TTN: variants seen among roughly 807,000 people sequenced by gnomAD.
TTN encodes connectin.
Under a neutral mutation model 3,223.0 loss-of-function variants are expected in TTN, and 1,525 were observed. That is an observed-to-expected ratio of 0.47 (90% confidence interval 0.45 to 0.49). The LOEUF (loss-of-function observed/expected upper bound fraction) is 0.49. TTN is among the 20% of genes least tolerant of loss of function. The pLI, the probability that TTN is intolerant of heterozygous loss-of-function variation, is 0.00. For missense variants in TTN, 40,786 were observed against 43,424.0 expected (o/e 0.94, Z 5.40); for synonymous variants, 14,094 against 15,161.0 (o/e 0.93, Z 5.17).
In TTN at chr2:178,685,339, G is replaced by T. The variant is rs2154275381; in HGVS notation, c.32393-9C>A. ...CTCCTGCCTCTCTGTCACTTGAAAAGATTATAAAATATGTTTGTAGAAATG... is the reference window on the plus strand; with the variant it reads ...CTCCTGCCTCTCTGTCACTTGAAAATATTATAAAATATGTTTGTAGAAATG... On this transcript the variant is annotated splice_polypyrimidine_tract_variant and intron_variant, in intron 128 of 362. Transcript: ENST00000589042. 6.5e-7 allele frequency: 1 copy of T among 1,546,688 alleles called. No individual in the cohort carries two copies. Among genetic ancestry groups the T allele is most frequent in the South Asian group, 1.2e-5 (1 of 82,368 alleles).
intron 208 of TTN, 31 bp from the exon 209 acceptor site, chr2:178,650,865 A>G (rs754031078): frequency 8.6e-5 from 135 of 1,561,876 alleles, no homozygotes; most frequent in Non-Finnish European, 1.2e-4. Context: ...TTTTCTTATG[A>G]GTAGTTGAGA....
In TTN at chr2:178,704,422, C is replaced by G. The variant is rs571920946; in HGVS notation, c.29963-15G>C. The stretch of plus-strand genomic sequence containing the variant: ...CCATGCAGGCTCTGTTCATGTGATA[C>G]AACACGCATTTTGTTCAATATCACA... On this transcript the variant is annotated splice_polypyrimidine_tract_variant and intron_variant, in intron 105 of 362. Coordinates refer to ENST00000589042, the MANE Select transcript of TTN (RefSeq NM_001267550.2). 3 of 1,608,584 alleles carry G rather than the reference C, an allele frequency of 1.9e-6. No individual in the cohort carries two copies. Among genetic ancestry groups the G allele is most frequent in the South Asian group, 1.1e-5 (1 of 90,534 alleles).
chr2:178,648,603 T>A (rs1197439693), intron 213 of TTN, among the ~76,000 whole-genome samples: 1 of 152,010 alleles, frequency 6.6e-6, no homozygotes, highest in Non-Finnish European at 1.5e-5. Flanking sequence ...AGAGACGGGG[T>A]TTCACCATGT....
At chr2:178,600,309 T>C (rs760052331) in intron 288 of TTN, among the ~76,000 whole-genome samples, 12 of 151,344 alleles carry the variant, frequency 7.9e-5, no homozygotes, top group Non-Finnish European at 1.5e-4. Flanking sequence ...AGGACAGAAA[T>C]ATTCAAAGAG....
In TTN at chr2:178,635,504, T is replaced by G; in HGVS notation, c.41820A>C (p.Glu13940Asp). 1.2e-6 allele frequency: 2 copies of G among 1,603,796 alleles called. No individual in the cohort carries two copies. The highest frequency in any genetic ancestry group is 1.7e-6 in the Non-Finnish European group (2 of 1,174,278). Residue 13940 changes from glutamate (E) to aspartate (D), a missense_variant, in exon 227 of 363, where the codon GAA (glutamate) becomes GAC (aspartate). Physicochemically the swap from Glu to Asp is conservative, Grantham distance 45 (BLOSUM62 2). Transcript: ENST00000589042. ...TTTCCACTGCATACTCAGCAATATC[T>G]TCTGGCATAGCATTCTTAATTTTGA... ...LYLKIKNAMP[E>D]DIAEYAVEIE...
At chr2:178,605,950 C>A (rs959180921) in intron 278 of TTN, among the ~76,000 whole-genome samples, 4 of 151,868 alleles carry the variant, frequency 2.6e-5, no homozygotes, top group Admixed American at 6.6e-5. Flanking sequence ...ATCAAGGGCA[C>A]GTATGCTTTT....
In TTN at chr2:178,567,273, G is replaced by A. The variant is rs1451385344; in HGVS notation, c.78859C>T (p.Pro26287Ser). ...FPVNVKVLDR[P>S]GPPEGPVQVT... ...TGGACTGGCCCTTCTGGAGGTCCTG[G>A]TCTATCTAATACTTTTACATTTACT... Residue 26287 changes from proline (P) to serine (S), a missense_variant, in exon 326 of 363, where the codon CCA (proline) becomes TCA (serine). Pro to Ser is a moderately conservative substitution (Grantham distance 74). Transcript: ENST00000589042. 1.2e-6 allele frequency: 2 copies of A among 1,607,336 alleles called. No individual in the cohort carries two copies. The highest frequency in any genetic ancestry group is 1.1e-5 in the South Asian group (1 of 89,770).
Position 178,757,636 on chromosome 2 carries a change from A to G in TTN, c.10584T>C (p.Asp3528=), listed in dbSNP as rs777485055. The G allele has an allele frequency of 2.5e-6, 4 of 1,613,796 alleles. No homozygotes were observed. The East Asian group carries it at 6.7e-5, about 27-fold the overall frequency. Residue 3528 remains aspartate (D), a synonymous_variant, in exon 45 of 363, where the codon GAT becomes GAC. Coordinates refer to ENST00000589042, the MANE Select transcript of TTN (RefSeq NM_001267550.2). ...STGMALMLIV[D]AYSEHAGQYS... ...ACTGCCCAGCATGCTCTGAGTAAGC[A>G]TCAACTATAAGCATTAAAGCCATGC...
chr2:178,621,071 C>CA, intron 246 of TTN, 31 bp downstream of exon 246: 1 of 1,606,954 alleles, frequency 6.2e-7, no homozygotes, highest in Admixed American at 1.7e-5. Flanking sequence ...AACAAACAAA[C>CA]AAAAAACCCT....
At position 178,539,919 on chromosome 2, in the gene TTN, C is replaced by T; in HGVS notation, c.98146G>A (p.Val32716Ile). The stretch of plus-strand genomic sequence containing the variant: ...AGTCTGATGACGCCACCTTGCCTTA[C>T]AAAGATACCTTCTTGGTATCTTTCA... ...LDERYQEGIF[V>I]RQGGVIRLTI... Residue 32716 changes from valine (V) to isoleucine (I), a missense_variant, in exon 352 of 363, where the codon GTA becomes ATA. Coordinates refer to ENST00000589042, the MANE Select transcript of TTN (RefSeq NM_001267550.2). The T allele has an allele frequency of 6.2e-7, 1 of 1,613,704 alleles. No individual in the cohort carries two copies. The highest frequency in any genetic ancestry group is 8.5e-7 in the Non-Finnish European group (1 of 1,179,734).
chr2:178,750,472 C>G, intron 47 of TTN: 1 of 1,612,896 alleles, frequency 6.2e-7, no homozygotes, highest in Non-Finnish European at 8.5e-7. Flanking sequence ...TGTTATACCA[C>G]GTCACTATAG....
chr2:178,682,918 A>G lies in TTN; in HGVS notation c.32888-15T>C, dbSNP rs752523949. On this transcript the variant is annotated splice_polypyrimidine_tract_variant and intron_variant, in intron 134 of 362. Transcript: ENST00000589042. The stretch of plus-strand genomic sequence containing the variant: ...TATAGTTACTTCTGAAACAATATTA[A>G]CAACAGGCAGCACTTTACTTTAAAG... 1 of 1,578,754 alleles carries G rather than the reference A, an allele frequency of 6.3e-7. No homozygotes were observed. The highest frequency in any genetic ancestry group is 1.2e-5 in the South Asian group (1 of 85,832).
rs1297689224 is a variant in TTN, at chr2:178,734,404, T to G, written c.15420A>C (p.Ala5140=). ...CAACACATTCATATTCACCAACATC[T>G]GCACTATTAAACGAAAAGATCTCCA... ...VCLEIFSFNS[A]DVGEYECVVA... The change falls in exon 52 of 363, where the codon GCA becomes GCC. Residue 5140 remains alanine (A), a synonymous_variant. Coordinates refer to ENST00000589042, the MANE Select transcript of TTN (RefSeq NM_001267550.2). 1 of 1,613,534 alleles carries G rather than the reference T, an allele frequency of 6.2e-7. No individual in the cohort carries two copies. The highest frequency in any genetic ancestry group is 1.3e-5 in the African/African-American group (1 of 74,906).
intron 13 of TTN, among the ~76,000 whole-genome samples, chr2:178,788,380 A>G (rs1384421378): frequency 6.6e-6 from 1 of 152,106 alleles, no homozygotes; most frequent in Non-Finnish European, 1.5e-5. Flanking sequence ...ATGGAAACAA[A>G]AGTAAAAAGT....
intron 80 of TTN, 45 bp from the exon 81 acceptor site, chr2:178,720,309 T>C (rs2078147053): frequency 6.3e-7 from 1 of 1,594,796 alleles, no homozygotes; most frequent in Non-Finnish European, 8.5e-7. Context: ...GTGAGAATCA[T>C]GGCCACACAA....
In TTN at chr2:178,696,205, C is replaced by G. The variant is rs1362600873; in HGVS notation, c.30867G>C (p.Lys10289Asn). The G allele has an allele frequency of 1.3e-6, 2 of 1,564,706 alleles. No individual in the cohort carries two copies. Among genetic ancestry groups the G allele is most frequent in the Non-Finnish European group, 1.7e-6 (2 of 1,153,404 alleles). The change falls in exon 114 of 363, where the codon AAG (lysine) becomes AAC (asparagine). Residue 10289 changes from lysine to asparagine, a missense_variant. Transcript: ENST00000589042. Reference protein sequence around the residue: ...EEVKIMTITRKKEVQKEKEAV... With the variant: ...EEVKIMTITRNKEVQKEKEAV... Reference sequence around the variant, plus strand: ...CTTCTTTTTCTTTCTGAACCTCTTTCTTTCTGGTTATAGTCATTATTTTTA... The same window carrying G: ...CTTCTTTTTCTTTCTGAACCTCTTTGTTTCTGGTTATAGTCATTATTTTTA...
rs776682000 is a variant in TTN at position 178,544,246 on chromosome 2, C to T, written c.95983G>A (p.Glu31995Lys). The change falls in exon 345 of 363, where the codon GAA (glutamate) becomes AAA (lysine). Residue 31995 changes from glutamate (E) to lysine (K), a missense_variant. Glu to Lys is a moderately conservative substitution (Grantham distance 56). Coordinates refer to ENST00000589042, the MANE Select transcript of TTN (RefSeq NM_001267550.2). ...ATTTCAGCAATTGATTCGCTGTATT[C>T]GCTCATACCCTTCACGTTCACGGCA... Reference protein sequence around the residue: ...VAAVNVKGMSEYSESIAEIEP... With the variant: ...VAAVNVKGMSKYSESIAEIEP... 27 of 1,613,614 alleles carry T rather than the reference C, an allele frequency of 1.7e-5. No individual in the cohort carries two copies. Among genetic ancestry groups the T allele is most frequent in the South Asian group, 1.1e-4 (10 of 91,084 alleles).
chr2:178,634,852 G>T lies in TTN; in HGVS notation c.42025-3C>A. ...CCTTCTGCTTTGATTTCACAAGTCT[G>T]AAAAACAATAGTTTTAGTAACCATT... On this transcript the variant is annotated splice_polypyrimidine_tract_variant and splice_region_variant and intron_variant, in intron 228 of 362. Coordinates refer to ENST00000589042, the MANE Select transcript of TTN (RefSeq NM_001267550.2). This position sits in a 1 kb window ranked among gnomAD's most constrained non-coding sequence, Gnocchi z 4.6. 1 of 1,604,152 alleles carries T rather than the reference G, an allele frequency of 6.2e-7. No homozygotes were observed. The highest frequency in any genetic ancestry group is 1.1e-5 in the South Asian group (1 of 88,606).
At chr2:178,584,606 G>A (rs1245790854) in intron 310 of TTN, 28 bp from the exon 311 acceptor site, 3 of 1,610,056 alleles carry the variant, frequency 1.9e-6, no homozygotes, top group Non-Finnish European at 2.5e-6. Context: ...GAAGATGTCA[G>A]TTTCTACATT....
Sources: allele counts gnomAD v4.1 joint callset (sites outside exome capture counted in the v4.1 genomes callset), GRCh38; gene constraint gnomAD v4.1.1; non-coding constraint Gnocchi (gnomAD v3.1); transcripts MANE v1.5; gene names NCBI Gene and HGNC (gene_info 2026-07-23, HGNC 2026-07-21).